Variants in CAPN1 observed in about 807,000 individuals in gnomAD.
CAPN1 encodes calpain 1, also known as calpain-1 catalytic subunit.
In CAPN1, 77 loss-of-function variants were observed where a neutral mutation model predicts 105.2. That is an observed-to-expected ratio of 0.73 (90% CI 0.61 to 0.88). The LOEUF is 0.88. Among genes scored for constraint, CAPN1 ranks in the 40% least tolerant of loss-of-function variants. The probability of loss-of-function intolerance (pLI) is 0.00; values close to 1 mark genes in which losing one functional copy is unlikely to be tolerated. For synonymous variants in CAPN1, 355 were observed against 388.8 expected (o/e 0.91, Z 1.02); for missense variants, 833 against 976.6 (o/e 0.85, Z 1.96).
At chr11:65,197,690 C>T (rs1437513035) in intron 10 of CAPN1, among the ~76,000 whole-genome samples, 1 of 151,970 alleles carries the variant, frequency 6.6e-6, no homozygotes, top group Non-Finnish European at 1.5e-5. Flanking sequence ...AGTTCGAGAC[C>T]AGCCTGGCCA....
intron 10 of CAPN1, among the ~76,000 whole-genome samples, chr11:65,194,876 GC>G (rs1948769770): frequency 6.6e-6 from 1 of 152,212 alleles, no homozygotes; most frequent in Middle Eastern, 3.4e-3. Context: ...GTTCTCTGGG[GC>G]CTATAACTAG....
At chr11:65,192,300 G>C (rs1429734974) in intron 10 of CAPN1, among the ~76,000 whole-genome samples, 2 of 152,184 alleles carry the variant, frequency 1.3e-5, no homozygotes, top group Admixed American at 6.5e-5. Flanking sequence ...ACATTCTTGA[G>C]ATAAAAACAA....
chr11:65,190,479 A>C (rs1426572174), intron 10 of CAPN1, among the ~76,000 whole-genome samples: 1 of 152,066 alleles, frequency 6.6e-6, no homozygotes, highest in Non-Finnish European at 1.5e-5. Flanking sequence ...CGTTCCCTGT[A>C]CCATTTATTG....
rs1949032473 is a variant in CAPN1, at chr11:65,210,527, G to A, written c.2059+75G>A. 1.1e-6 allele frequency: 1 copy of A among 920,034 alleles called. No homozygotes were observed. Among genetic ancestry groups the A allele is most frequent in the Non-Finnish European group, 1.7e-6 (1 of 571,822 alleles). The allele number at this position is 920,034 out of a possible 1,614,324, so 57.0% of individuals were successfully genotyped here. A position where few individuals can be genotyped will look rare whatever the true frequency, so the allele number is the denominator to read the frequency against. On this transcript the variant is annotated intron_variant, in intron 20 of 21. Transcript: ENST00000279247. This position sits in a 1 kb window ranked among gnomAD's most constrained non-coding sequence, Gnocchi z 4.3. ...CCCCCAGGAGCTGGGGGGAATGACA[G>A]ATGGGTGAATTAGCAGATACAGGCC...
rs767349185 is a variant in CAPN1 at position 65,210,447 on chromosome 11, T to C, written c.2054T>C (p.Met685Thr). ...FVCCLVRLET[M>T]FRFFKTLDTD... ...TGCTGCCTGGTGCGGCTAGAGACCA[T>C]GTTCCGTGAGTGTCCCCAACTGCCT... The change falls in exon 20 of 22, where the codon ATG (methionine) becomes ACG (threonine). Residue 685 changes from methionine to threonine, a missense_variant. Transcript: ENST00000279247. The surrounding 1 kb of genome is among the most constrained non-coding windows in gnomAD (Gnocchi z 4.3). 3.1e-6 allele frequency: 5 copies of C among 1,604,812 alleles called. No individual in the cohort carries two copies. The highest frequency in any genetic ancestry group is 1.7e-5 in the Admixed American group (1 of 59,632).
rs777551538 is a variant in CAPN1 at position 65,208,182 on chromosome 11, T to A, written c.1672-23T>A. The A allele has an allele frequency of 5.0e-6, 8 of 1,585,344 alleles. No individual in the cohort carries two copies. The African/African-American group carries it at 9.4e-5, about 19-fold the overall frequency. On this transcript the variant is annotated intron_variant, in intron 15 of 21. Coordinates refer to ENST00000279247, the MANE Select transcript of CAPN1 (RefSeq NM_005186.4). The surrounding 1 kb of genome is among the most constrained non-coding windows in gnomAD (Gnocchi z 4.1). ...AGGGGCAGCCCTCTCCTGGGGCAGG[T>A]GCCACCTCCTCTCTCTCCCCAGGAC... is the stretch of plus-strand genomic sequence containing the variant.
At chr11:65,194,698 A>G (rs1180571070) in intron 10 of CAPN1, among the ~76,000 whole-genome samples, 1 of 152,192 alleles carries the variant, frequency 6.6e-6, no homozygotes, top group Non-Finnish European at 1.5e-5. Flanking sequence ...ATGGTGTAGA[A>G]GTACTTCATC....
intron 10 of CAPN1, among the ~76,000 whole-genome samples, chr11:65,189,241 G>T (rs1454409957): frequency 2.0e-5 from 3 of 152,094 alleles, no homozygotes; most frequent in Non-Finnish European, 4.4e-5. Context: ...GGCTGGTCTC[G>T]ATCTCCTGAC....
intron 3 of CAPN1, 52 bp from the exon 4 acceptor site, chr11:65,183,422 C>T (rs745597294): frequency 7.1e-7 from 1 of 1,407,624 alleles, no homozygotes; most frequent in East Asian, 2.3e-5. Flanking sequence ...ACCCGCTTCC[C>T]CCCCCGGGGC....
Position 65,188,589 on chromosome 11 carries a change from G to A in CAPN1, c.1008G>A (p.Met336Ile). 6.2e-7 allele frequency: 1 copy of A among 1,613,970 alleles called. No homozygotes were observed. The highest frequency in any genetic ancestry group is 8.5e-7 in the Non-Finnish European group (1 of 1,179,868). Residue 336 changes from methionine to isoleucine, a missense_variant, in exon 10 of 22, where the codon ATG becomes ATA. Coordinates refer to ENST00000279247, the MANE Select transcript of CAPN1 (RefSeq NM_005186.4). The surrounding 1 kb of genome is among the most constrained non-coding windows in gnomAD (Gnocchi z 5.5). ...ACCTGTGTACCTCCCACCTCAGGAT[G>A]TCATTCCGAGACTTCATGCGGGAGT... ...RVKMEDGEFW[M>I]SFRDFMREFT...
chr11:65,183,914 G>T (rs1228965557), intron 4 of CAPN1, among the ~76,000 whole-genome samples: 3 of 152,184 alleles, frequency 2.0e-5, no homozygotes, highest in African/African-American at 7.2e-5. Context: ...AGAAAGGAGT[G>T]TTCGCTGGGG....
At chr11:65,199,390 G>A (rs1288366867) in intron 10 of CAPN1, among the ~76,000 whole-genome samples, 2 of 151,722 alleles carry the variant, frequency 1.3e-5, no homozygotes, top group Non-Finnish European at 2.9e-5. Context: ...CATACTATAC[G>A]ATTCACCATG....
intron 7 of CAPN1, 134 bp from the exon 8 acceptor site, chr11:65,187,821 G>A (rs1465173025): frequency 7.9e-6 from 5 of 631,902 alleles, no homozygotes; most frequent in Non-Finnish European, 2.9e-6. Flanking sequence ...GAACCCAGGA[G>A]GCGGAGGTTG....
chr11:65,187,892 A>C, intron 7 of CAPN1, 63 bp from the exon 8 acceptor site: 1 of 1,264,210 alleles, frequency 7.9e-7, no homozygotes, highest in East Asian at 2.6e-5. Context: ...ACTCTGTCTC[A>C]AAAAAGAAAA....
chr11:65,188,161 G>A lies in CAPN1; in HGVS notation c.929+121G>A, dbSNP rs998064034. 27 of 757,772 alleles carry A rather than the reference G, an allele frequency of 3.6e-5. No homozygotes were observed. The highest frequency in any genetic ancestry group is 1.8e-4 in the African/African-American group (10 of 56,522). 46.9% of individuals were successfully genotyped at this position (757,772 alleles called of 1,614,324 possible). On this transcript the variant is annotated intron_variant, in intron 8 of 21. Transcript: ENST00000279247. This position sits in a 1 kb window ranked among gnomAD's most constrained non-coding sequence, Gnocchi z 5.5. ...GGATTGAGCAGAGGGGCCCATCTTC[G>A]CGCGACTGGGTCTGGGGGACTGCTC...
rs533500025 is a variant in CAPN1, at chr11:65,192,192, G to A, written c.1165+3446G>A. On this transcript the variant is annotated intron_variant, in intron 10 of 21. Transcript: ENST00000279247. ...AGAGGCTACAGTGAGCCATGTTTGC[G>A]CCACTGCACTCCACCCTGGGCAACA... is the stretch of plus-strand genomic sequence containing the variant. Among the ~76,000 whole-genome samples the A allele has an allele frequency of 8.5e-5, 13 of 152,068 alleles. No individual in the cohort carries two copies. The East Asian group carries it at 2.3e-3, about 27-fold the overall frequency.
At chr11:65,199,353 GA>G (rs1948835296) in intron 10 of CAPN1, among the ~76,000 whole-genome samples, 1 of 152,116 alleles carries the variant, frequency 6.6e-6, no homozygotes, top group East Asian at 1.9e-4. Flanking sequence ...TTGCCTTCTG[GA>G]AAAAATCTTA....
chr11:65,198,204 G>A (rs1948819421), intron 10 of CAPN1, among the ~76,000 whole-genome samples: 1 of 151,654 alleles, frequency 6.6e-6, no homozygotes, highest in Non-Finnish European at 1.5e-5. Flanking sequence ...GTGGTGGCGT[G>A]ATCTCAGCTC....
intron 10 of CAPN1, among the ~76,000 whole-genome samples, chr11:65,189,832 A>T (rs1948693922): frequency 6.6e-6 from 1 of 151,978 alleles, no homozygotes; most frequent in African/African-American, 2.4e-5. Context: ...CAATTCCACT[A>T]CTGGTTAGTA....
Sources: gnomAD v4.1 joint callset for allele counts (sites outside exome capture counted in the v4.1 genomes callset) on GRCh38, gnomAD v4.1.1 for gene constraint, Gnocchi (gnomAD v3.1) non-coding constraint, MANE v1.5 for transcripts, NCBI Gene and HGNC (gene_info 2026-07-23, HGNC 2026-07-21) for gene names.